NTAQ1: variants seen among roughly 807,000 people sequenced by gnomAD.
NTAQ1 encodes the protein N-terminal glutamine amidase 1.
NTAQ1 carries 21 observed loss-of-function variants against 28.2 expected under a neutral mutation model. That is an observed-to-expected ratio of 0.74 (90% CI 0.53 to 1.07). NTAQ1 has a LOEUF of 1.07. Among genes scored for constraint, NTAQ1 ranks in the 50% least tolerant of loss-of-function variants. The pLI is 0.00. For synonymous variants in NTAQ1, 105 were observed against 90.0 expected, an observed-to-expected ratio of 1.17 and a Z score of -0.94; for missense variants, 264 against 256.6, an observed-to-expected ratio of 1.03 and a Z score of -0.20.
chr8:123,428,485 A>T (rs961338438), intron 2 of NTAQ1, among the ~76,000 whole-genome samples: 5 of 152,122 alleles, frequency 3.3e-5, no homozygotes, highest in African/African-American at 1.2e-4. Flanking sequence ...GGTGTGAGCC[A>T]CCATGCCCAG....
intron 6 of NTAQ1, among the ~76,000 whole-genome samples, chr8:123,447,257 A>T (rs367994305): frequency 2.0e-5 from 3 of 152,314 alleles, no homozygotes; most frequent in African/African-American, 7.2e-5. Context: ...GCTCAGATGC[A>T]CATACAACTA....
At chr8:123,459,412 G>A (rs928293823) in intron 6 of NTAQ1, among the ~76,000 whole-genome samples, 2 of 151,998 alleles carry the variant, frequency 1.3e-5, no homozygotes, top group South Asian at 2.1e-4. Flanking sequence ...TCAGTACTTC[G>A]GCTTCATCAG....
At chr8:123,428,842 C>T (rs1814227150) in intron 2 of NTAQ1, among the ~76,000 whole-genome samples, 1 of 152,134 alleles carries the variant, frequency 6.6e-6, no homozygotes, top group African/African-American at 2.4e-5. Context: ...CCTCAGGTGA[C>T]CTGTCTGCCT....
intron 6 of NTAQ1, among the ~76,000 whole-genome samples, chr8:123,453,425 C>CTTT (rs33984349): frequency 1.4e-5 from 2 of 144,900 alleles, no homozygotes; most frequent in African/African-American, 2.5e-5. Flanking sequence ...TGTTTTGTTG[C>CTTT]TTTTTTTTTT....
chr8:123,449,590 T>C (rs546951273), downstream of NTAQ1, among the ~76,000 whole-genome samples: 1 of 152,024 alleles, frequency 6.6e-6, no homozygotes, highest in African/African-American at 2.4e-5. Context: ...TACATTCTTG[T>C]GGAGAAGACA....
At chr8:123,454,768 G>T (rs1382030207) in intron 6 of NTAQ1, among the ~76,000 whole-genome samples, 3 of 152,132 alleles carry the variant, frequency 2.0e-5, no homozygotes, top group African/African-American at 4.8e-5. Flanking sequence ...GTCTCCAATG[G>T]GCCATTCATT....
In NTAQ1 at chr8:123,427,911, T is replaced by C. The variant is rs1228914364; in HGVS notation, c.84-13T>C. ...TGTTCTCTAATCTTGATTAAACAAT[T>C]ATTTTATTTCAGTGAAGAAAATATT... On this transcript the variant is annotated splice_polypyrimidine_tract_variant and intron_variant, in intron 1 of 5. Transcript: ENST00000287387. 6.4e-7 allele frequency: 1 copy of C among 1,563,388 alleles called. No individual in the cohort carries two copies.
intron 1 of NTAQ1, among the ~76,000 whole-genome samples, chr8:123,420,389 T>C (rs1813605638): frequency 6.6e-6 from 1 of 152,212 alleles, no homozygotes; most frequent in Non-Finnish European, 1.5e-5. Flanking sequence ...TATATGTGCA[T>C]GTGTCTTAAT....
At chr8:123,464,956 T>C (rs1452857498) in intron 6 of NTAQ1, among the ~76,000 whole-genome samples, 1 of 152,154 alleles carries the variant, frequency 6.6e-6, no homozygotes, top group African/African-American at 2.4e-5. Flanking sequence ...GAGAATCACT[T>C]GAACCTGGGA....
At chr8:123,459,147 A>C (rs1438844203) in intron 6 of NTAQ1, among the ~76,000 whole-genome samples, 1 of 151,498 alleles carries the variant, frequency 6.6e-6, no homozygotes, top group Non-Finnish European at 1.5e-5. Flanking sequence ...GCTACTCAGG[A>C]GGTGGGAGGA....
At chr8:123,437,432 T>G (rs11991520) in intron 5 of NTAQ1, 98 bp downstream of exon 5, 544,307 of 1,520,196 alleles carry the variant, frequency 0.36, 98,926 homozygotes, top group East Asian at 0.57. Context: ...GTTCTTTGAA[T>G]AAAACTCCAT....
chr8:123,461,996 A>G (rs887017672), intron 6 of NTAQ1, among the ~76,000 whole-genome samples: 1 of 152,156 alleles, frequency 6.6e-6, no homozygotes, highest in African/African-American at 2.4e-5. Flanking sequence ...AGACAGGGAA[A>G]TCTAGTGAAA....
At chr8:123,474,081 C>G (rs963491779), downstream of NTAQ1, among the ~76,000 whole-genome samples, 1 of 152,114 alleles carries the variant, frequency 6.6e-6, no homozygotes, top group African/African-American at 2.4e-5. Flanking sequence ...TATTTCGTCA[C>G]CCAGCTTCCC....
downstream of NTAQ1, among the ~76,000 whole-genome samples, chr8:123,472,396 A>G (rs1816050723): frequency 1.3e-5 from 2 of 152,176 alleles, no homozygotes; most frequent in South Asian, 2.1e-4. Flanking sequence ...AAGCAACAGT[A>G]ATATATTGTC....
chr8:123,469,092 G>T (rs1339118321), exon 7 of NTAQ1, among the ~76,000 whole-genome samples: 1 of 152,006 alleles, frequency 6.6e-6, no homozygotes, highest in East Asian at 1.9e-4. Flanking sequence ...GTTGAGTTGA[G>T]GGAATTCTTT....
chr8:123,424,043 C>T (rs951988073), intron 1 of NTAQ1, among the ~76,000 whole-genome samples: 8 of 147,596 alleles, frequency 5.4e-5, no homozygotes, highest in South Asian at 2.1e-4. Context: ...CTCCTACGCC[C>T]GGCTGATTTT....
downstream of NTAQ1, among the ~76,000 whole-genome samples, chr8:123,473,888 TAGTC>T (rs1423086347): frequency 6.6e-6 from 1 of 152,206 alleles, no homozygotes; most frequent in African/African-American, 2.4e-5. Context: ...ACATTATGGT[TAGTC>T]AGGAAGTAAA....
downstream of NTAQ1, among the ~76,000 whole-genome samples, chr8:123,443,059 G>T (rs11777628): frequency 0.37 from 54,915 of 148,564 alleles, 10,054 homozygotes; most frequent in East Asian, 0.57. Context: ...TCACTCTGTC[G>T]CCCAGGCTGG....
downstream of NTAQ1, among the ~76,000 whole-genome samples, chr8:123,470,922 T>C (rs537324289): frequency 9.2e-4 from 139 of 151,112 alleles, no homozygotes; most frequent in African/African-American, 2.9e-3. Flanking sequence ...TTTTTTCTTT[T>C]TTTTTTTTCT....
Sources: allele counts gnomAD v4.1 joint callset (sites outside exome capture counted in the v4.1 genomes callset), GRCh38; gene constraint gnomAD v4.1.1; transcripts MANE v1.5; gene names NCBI Gene and HGNC (gene_info 2026-07-23, HGNC 2026-07-21).